SEPTIN14: variants seen among roughly 807,000 people sequenced by gnomAD.
SEPTIN14 encodes septin-14.
SEPTIN14 carries 40 observed loss-of-function variants against 53.6 expected under a neutral mutation model. The ratio of observed to expected loss-of-function variants is 0.75; its 90% CI spans 0.58 to 0.97. The LOEUF is 0.97. Ranked by LOEUF, SEPTIN14 falls within the 50% of genes least tolerant of loss-of-function variation. The pLI is 0.00. For missense variants in SEPTIN14, 471 were observed against 508.2 expected (o/e 0.93, Z 0.70); for synonymous variants, 138 against 166.8 (o/e 0.83, Z 1.33).
In SEPTIN14 at chr7:55,795,336, GT is replaced by G. The variant is rs1788411590; in HGVS notation, c.*576del. On this transcript the variant is annotated 3_prime_UTR_variant, in exon 10 of 10. Transcript: ENST00000388975. ...CAGCTCCTTTTACATGATGCTACGT[GT>G]TTCTTTTGTTTTTTCATTTTGGCAA... 6.5e-6 allele frequency: 1 copy of G among 152,884 alleles called. No individual in the cohort carries two copies. Among genetic ancestry groups the G allele is most frequent in the Non-Finnish European group, 1.5e-5 (1 of 68,906 alleles). The allele number at this position is 152,884 out of a possible 1,614,324, so 9.5% of individuals were successfully genotyped here.
At chr7:55,849,749 AAAACAAAAAACAAAC>A (rs1400626240) in intron 2 of SEPTIN14, among the ~76,000 whole-genome samples, 2 of 152,140 alleles carry the variant, frequency 1.3e-5, no homozygotes, top group Admixed American at 6.6e-5. Flanking sequence ...CCATCTCAAA[AAAACAAAAAACAAAC>A]AAACAAAAAA....
At chr7:55,848,642 G>A (rs190650707) in intron 2 of SEPTIN14, among the ~76,000 whole-genome samples, 7 of 133,698 alleles carry the variant, frequency 5.2e-5, no homozygotes, top group African/African-American at 8.7e-5. Context: ...ACGGAGTCTC[G>A]CTCTGTCGCC....
intron 2 of SEPTIN14, among the ~76,000 whole-genome samples, chr7:55,856,399 G>T (rs1003905891): frequency 6.8e-5 from 10 of 147,898 alleles, no homozygotes; most frequent in African/African-American, 2.5e-4. Context: ...CCACTTTTTC[G>T]TTTTTTTTTT....
intron 5 of SEPTIN14, among the ~76,000 whole-genome samples, chr7:55,838,528 C>T: frequency 9.1e-6 from 1 of 110,430 alleles, no homozygotes; most frequent in African/African-American, 3.3e-5. Flanking sequence ...CTCCCTCCCC[C>T]CTCCCTTCCT....
intron 9 of SEPTIN14, among the ~76,000 whole-genome samples, chr7:55,804,362 G>T (rs1788580083): frequency 6.6e-6 from 1 of 150,642 alleles, no homozygotes; most frequent in Admixed American, 6.6e-5. Context: ...GGGTTCAAGC[G>T]ATTCTCCTAC....
chr7:55,810,108 A>T (rs894868985), intron 7 of SEPTIN14, among the ~76,000 whole-genome samples: 1 of 152,108 alleles, frequency 6.6e-6, no homozygotes, highest in African/African-American at 2.4e-5. Flanking sequence ...CTGGGATTAC[A>T]GGTGTGAGCC....
At chr7:55,819,310 G>A (rs1261362443) in intron 6 of SEPTIN14, 87 bp from the exon 7 acceptor site, 1 of 1,024,816 alleles carries the variant, frequency 9.8e-7, no homozygotes, top group Non-Finnish European at 1.5e-6. Flanking sequence ...AAAATGACAG[G>A]CCAGCGCGGT....
chr7:55,823,556 G>A (rs1171536019), intron 6 of SEPTIN14, among the ~76,000 whole-genome samples: 1 of 152,174 alleles, frequency 6.6e-6, no homozygotes, highest in Non-Finnish European at 1.5e-5. Context: ...CACAGGCTGA[G>A]CCACTGTGCA....
chr7:55,828,488 T>C (rs557756160), intron 6 of SEPTIN14, among the ~76,000 whole-genome samples: 6 of 152,176 alleles, frequency 3.9e-5, no homozygotes, highest in African/African-American at 1.2e-4. Flanking sequence ...GTATTTTTAG[T>C]AGAGGTGGGG....
intron 7 of SEPTIN14, among the ~76,000 whole-genome samples, chr7:55,816,684 G>A (rs1479436851): frequency 6.6e-6 from 1 of 151,772 alleles, no homozygotes; most frequent in African/African-American, 2.4e-5. Flanking sequence ...GCGCATGCCT[G>A]TAATCCCAGC....
chr7:55,797,055 G>A (rs565656598), intron 9 of SEPTIN14, among the ~76,000 whole-genome samples: 63 of 152,038 alleles, frequency 4.1e-4, no homozygotes, highest in South Asian at 1.7e-3. Context: ...CCCAGGAGGC[G>A]GAGGTTGCAG....
At chr7:55,811,117 C>T (rs1483221832) in intron 7 of SEPTIN14, 4 of 474,438 alleles carry the variant, frequency 8.4e-6, no homozygotes, top group Non-Finnish European at 8.3e-6. Context: ...TGAATAGCTC[C>T]CGCGGTGATA....
At chr7:55,801,237 G>A (rs1299838213) in intron 9 of SEPTIN14, among the ~76,000 whole-genome samples, 1 of 151,558 alleles carries the variant, frequency 6.6e-6, no homozygotes, top group Non-Finnish European at 1.5e-5. Context: ...AGAAACAATA[G>A]AAGAAAATCA....
At chr7:55,862,499 CT>C (rs898959292) in intron 1 of SEPTIN14, among the ~76,000 whole-genome samples, 188 bp downstream of exon 1, 5 of 152,110 alleles carry the variant, frequency 3.3e-5, no homozygotes, top group African/African-American at 1.2e-4. Flanking sequence ...TAAACAAGTT[CT>C]TTAGACACTG....
intron 3 of SEPTIN14, among the ~76,000 whole-genome samples, chr7:55,846,091 A>ATATATATATATATATATC: frequency 7.7e-6 from 1 of 130,394 alleles, no homozygotes; most frequent in Admixed American, 8.0e-5. Context: ...ATATATATAT[A>ATATATATATATATATATC]TGTATACATG....
At chr7:55,804,119 G>A (rs1402956371) in intron 9 of SEPTIN14, among the ~76,000 whole-genome samples, 1 of 110,556 alleles carries the variant, frequency 9.0e-6, no homozygotes, top group African/African-American at 3.5e-5. Flanking sequence ...CTGGGTAACA[G>A]AGCAAGACTC....
At chr7:55,839,076 G>C (rs28823947) in intron 5 of SEPTIN14, among the ~76,000 whole-genome samples, 29,755 of 151,906 alleles carry the variant, frequency 0.2, 3,802 homozygotes, top group East Asian at 0.43. Flanking sequence ...ATCATAAGAA[G>C]AGTGAGTACA....
At chr7:55,798,178 C>T in intron 9 of SEPTIN14, 1 of 222,012 alleles carries the variant, frequency 4.5e-6, no homozygotes, top group Non-Finnish European at 9.1e-6. Flanking sequence ...TCCCTGCAGC[C>T]ACGCAAAGCC....
intron 5 of SEPTIN14, among the ~76,000 whole-genome samples, chr7:55,842,468 T>G (rs1336152804): frequency 6.6e-6 from 1 of 151,686 alleles, no homozygotes; most frequent in Non-Finnish European, 1.5e-5. Flanking sequence ...TAGCCAATCT[T>G]GGTAGCACAC....
Sources: allele counts gnomAD v4.1 joint callset (sites outside exome capture counted in the v4.1 genomes callset), GRCh38; gene constraint gnomAD v4.1.1; transcripts MANE v1.5; gene names NCBI Gene and HGNC (gene_info 2026-07-23, HGNC 2026-07-21).